Variants in UBA6 observed in about 807,000 individuals in gnomAD.
The protein encoded by UBA6 is ubiquitin like modifier activating enzyme 6.
UBA6 carries 87 observed loss-of-function variants against 148.3 expected under a neutral mutation model. The observed-to-expected ratio is 0.59, with a 90% CI of 0.49 to 0.70. The LOEUF (loss-of-function observed/expected upper bound fraction) is 0.70, where lower values mean the gene tolerates loss of function less well. Ranked by LOEUF, UBA6 falls within the 30% of genes least tolerant of loss-of-function variation. The pLI, the probability that UBA6 is intolerant of heterozygous loss-of-function variation, is 0.00. For missense variants in UBA6, 1,186 were observed against 1,241.2 expected (o/e 0.96, Z 0.67); for synonymous variants, 376 against 401.0 (o/e 0.94, Z 0.75).
chr4:67,691,161 C>A (rs962969795), intron 2 of UBA6, among the ~76,000 whole-genome samples: 18 of 151,670 alleles, frequency 1.2e-4, no homozygotes, highest in Middle Eastern at 3.2e-3. Context: ...CACGGATGAA[C>A]TTTGTAGCCT....
At chr4:67,695,135 A>G (rs1176596375) in intron 2 of UBA6, among the ~76,000 whole-genome samples, 3 of 152,256 alleles carry the variant, frequency 2.0e-5, no homozygotes, top group Non-Finnish European at 2.9e-5. Flanking sequence ...AATGAATAAA[A>G]TTAGTCAATA....
chr4:67,642,144 TTTTC>T (rs1241147829), intron 17 of UBA6, among the ~76,000 whole-genome samples: 1 of 152,058 alleles, frequency 6.6e-6, no homozygotes, highest in Non-Finnish European at 1.5e-5. Context: ...TATTAAGGCT[TTTTC>T]TTTCTACCTC....
chr4:67,670,420 A>G (rs768998332), intron 8 of UBA6, 50 bp downstream of exon 8: 3 of 1,492,662 alleles, frequency 2.0e-6, no homozygotes, highest in South Asian at 2.3e-5. Context: ...AACAGCATTC[A>G]CATCAACTTT....
chr4:67,683,904 C>G (rs1426795446), intron 2 of UBA6, among the ~76,000 whole-genome samples: 1 of 152,058 alleles, frequency 6.6e-6, no homozygotes, highest in African/African-American at 2.4e-5. Flanking sequence ...AAAACCCCAT[C>G]TCTATAAAAA....
chr4:67,697,293 C>T (rs1371680887), intron 1 of UBA6, among the ~76,000 whole-genome samples: 1 of 152,254 alleles, frequency 6.6e-6, no homozygotes, highest in Non-Finnish European at 1.5e-5. Flanking sequence ...GCGTGGGCCA[C>T]TGTGCCCGCC....
At chr4:67,658,436 T>G (rs1391064430) in intron 13 of UBA6, among the ~76,000 whole-genome samples, 2 of 152,054 alleles carry the variant, frequency 1.3e-5, no homozygotes, top group East Asian at 1.9e-4. Context: ...CTGTAGTACA[T>G]CTACACAATG....
chr4:67,645,026 T>TA (rs775262901), intron 16 of UBA6, among the ~76,000 whole-genome samples: 74 of 152,054 alleles, frequency 4.9e-4, no homozygotes, highest in Non-Finnish European at 7.7e-4. Context: ...ATACAACATT[T>TA]AAAAAAAAGA....
At chr4:67,654,335 T>C (rs1729628729) in intron 13 of UBA6, among the ~76,000 whole-genome samples, 1 of 152,110 alleles carries the variant, frequency 6.6e-6, no homozygotes, top group Non-Finnish European at 1.5e-5. Context: ...TAACAGCGGA[T>C]CTCTTGGCAG....
At chr4:67,664,647 C>T (rs1211375681) in intron 10 of UBA6, among the ~76,000 whole-genome samples, 1 of 152,014 alleles carries the variant, frequency 6.6e-6, no homozygotes, top group African/African-American at 2.4e-5. Context: ...CTATATTCAG[C>T]TATTTACATT....
chr4:67,639,027 G>A lies in UBA6; in HGVS notation c.1652C>T (p.Thr551Ile). 1 of 1,612,258 alleles carries A rather than the reference G, an allele frequency of 6.2e-7. No individual in the cohort carries two copies. Among genetic ancestry groups the A allele is most frequent in the East Asian group, 2.2e-5 (1 of 44,784 alleles). Reference protein sequence around the residue: ...HLNKVCPTTETIYNDEFYTKQ... With the variant: ...HLNKVCPTTEIIYNDEFYTKQ... ...AGTATAGAACTCATCATTGTAAATG[G>A]TCTCAGTGGTTGGACATACTTTGTT... is the stretch of plus-strand genomic sequence containing the variant. Residue 551 changes from threonine to isoleucine, a missense_variant, in exon 19 of 33, where the codon ACC (threonine) becomes ATC (isoleucine). Thr to Ile is a moderately conservative substitution (Grantham distance 89, BLOSUM62 -1). Coordinates refer to ENST00000322244, the MANE Select transcript of UBA6 (RefSeq NM_018227.6).
chr4:67,662,374 T>C (rs943128680), intron 12 of UBA6, 119 bp from the exon 13 acceptor site: 33 of 744,982 alleles, frequency 4.4e-5, no homozygotes, highest in Non-Finnish European at 6.2e-5. Flanking sequence ...TGCCAACAGG[T>C]AGCACAAAAT....
chr4:67,697,360 TTCTC>T (rs745710944), intron 1 of UBA6, among the ~76,000 whole-genome samples: 92 of 152,328 alleles, frequency 6.0e-4, no homozygotes, highest in African/African-American at 2.1e-3. Flanking sequence ...ACCATGAACT[TTCTC>T]TATATATACA....
chr4:67,670,653 C>T, intron 7 of UBA6, 61 bp from the exon 8 acceptor site: 1 of 1,255,158 alleles, frequency 8.0e-7, no homozygotes, highest in African/African-American at 1.5e-5. Context: ...ACTCTAGTAT[C>T]TTAGGCCATT....
intron 28 of UBA6, 86 bp from the exon 29 acceptor site, chr4:67,625,273 T>C: frequency 3.9e-6 from 4 of 1,013,306 alleles, no homozygotes; most frequent in Non-Finnish European, 5.5e-6. Context: ...TTACTAACTT[T>C]CAAAGATTCC....
chr4:67,688,818 GA>G (rs778109684), intron 2 of UBA6, among the ~76,000 whole-genome samples: 9 of 151,976 alleles, frequency 5.9e-5, no homozygotes, highest in Non-Finnish European at 1.2e-4. Context: ...GTTTTATAGG[GA>G]AATCTAATTG....
At chr4:67,662,064 T>G in intron 13 of UBA6, 125 bp downstream of exon 13, 1 of 783,682 alleles carries the variant, frequency 1.3e-6, no homozygotes, top group Non-Finnish European at 2.1e-6. Flanking sequence ...CAGAACAAAC[T>G]GAAAAAAGTT....
chr4:67,617,289 A>C lies in UBA6; in HGVS notation c.*1708T>G, dbSNP rs1249259408. On this transcript the variant is annotated 3_prime_UTR_variant, in exon 33 of 33. Coordinates refer to ENST00000322244, the MANE Select transcript of UBA6 (RefSeq NM_018227.6). ...GAACGTGGAAAAAAGCCTTCTTTGC[A>C]AAAGTCCTTTTATTAGTCCTATCCT... is the stretch of plus-strand genomic sequence containing the variant. 1 of 152,076 alleles carries C rather than the reference A, an allele frequency of 6.6e-6. No homozygotes were observed. The highest frequency in any genetic ancestry group is 1.9e-4 in the East Asian group (1 of 5,196). The allele number at this position is 152,076 out of a possible 1,614,324, so 9.4% of individuals were successfully genotyped here. A position where few individuals can be genotyped will look rare whatever the true frequency, so the allele number is the denominator to read the frequency against.
intron 13 of UBA6, among the ~76,000 whole-genome samples, chr4:67,659,379 G>A (rs748616471): frequency 2.6e-5 from 4 of 152,026 alleles, no homozygotes; most frequent in Non-Finnish European, 5.9e-5. Flanking sequence ...TGGATGGTGG[G>A]GGTGGTTCTC....
intron 14 of UBA6, among the ~76,000 whole-genome samples, chr4:67,648,132 T>C (rs1470715529): frequency 6.6e-6 from 1 of 151,638 alleles, no homozygotes; most frequent in African/African-American, 2.4e-5. Context: ...TTGAAATAAA[T>C]AATTCAGCAG....
Sources: allele counts gnomAD v4.1 joint callset (sites outside exome capture counted in the v4.1 genomes callset), GRCh38; gene constraint gnomAD v4.1.1; transcripts MANE v1.5; gene names NCBI Gene and HGNC (gene_info 2026-07-23, HGNC 2026-07-21).